Variants in ABR observed in about 807,000 individuals in gnomAD.
The protein encoded by ABR is ABR activator of RhoGEF and GTPase.
A neutral mutation model predicts 107.2 loss-of-function variants in ABR; 35 were observed. The ratio of observed to expected loss-of-function variants is 0.33; its 90% CI spans 0.25 to 0.43. The LOEUF is 0.43. Among genes scored for constraint, ABR ranks in the 20% least tolerant of loss-of-function variants. The pLI is 1.00. For missense variants in ABR, 815 were observed against 1,115.2 expected, an observed-to-expected ratio of 0.73 and a Z score of 3.83; for synonymous variants, 498 against 462.0, an observed-to-expected ratio of 1.08 and a Z score of -1.00.
chr17:1,172,332 T>C, intron 1 of ABR, among the ~76,000 whole-genome samples: 1 of 152,194 alleles, frequency 6.6e-6, no homozygotes, highest in East Asian at 1.9e-4. Flanking sequence ...CTGATTTCTT[T>C]CTCCTTCCCC....
chr17:1,172,348 C>T (rs887006180), intron 1 of ABR, among the ~76,000 whole-genome samples: 7 of 152,354 alleles, frequency 4.6e-5, no homozygotes, highest in African/African-American at 1.7e-4. Flanking sequence ...TCCCCCTTCA[C>T]AAGGTCTCTG....
intron 16 of ABR, among the ~76,000 whole-genome samples, chr17:1,026,438 G>A (rs956309610): frequency 6.6e-6 from 1 of 152,206 alleles, no homozygotes; most frequent in African/African-American, 2.4e-5. Context: ...GCCCCGGCTG[G>A]GGTCACGGTC....
upstream of ABR, among the ~76,000 whole-genome samples, chr17:1,180,145 G>A (rs998429586): frequency 1.3e-5 from 2 of 151,794 alleles, no homozygotes; most frequent in African/African-American, 4.8e-5. Context: ...GCGGGGCTCC[G>A]GCGCTGGGCG....
At position 1,010,299 on chromosome 17, in the gene ABR, C is replaced by T; in HGVS notation, c.2236+430G>A. ...GAGGCGGAAGGCCTGCTGGCCGGGGCCCTCCGCAGAGGTGACGGGACGGTG... is the reference window on the plus strand; with the variant it reads ...GAGGCGGAAGGCCTGCTGGCCGGGGTCCTCCGCAGAGGTGACGGGACGGTG... On this transcript the variant is annotated intron_variant, in intron 20 of 22. Transcript: ENST00000302538. The surrounding 1 kb of genome is among the most constrained non-coding windows in gnomAD (Gnocchi z 4.1). 1 of 226,340 alleles carries T rather than the reference C, an allele frequency of 4.4e-6. No individual in the cohort carries two copies. 14.0% of individuals were successfully genotyped at this position (226,340 alleles called of 1,614,324 possible).
intron 16 of ABR, among the ~76,000 whole-genome samples, chr17:1,019,794 C>A (rs1369137757): frequency 1.3e-5 from 2 of 152,262 alleles, no homozygotes. Context: ...GGATGGGACA[C>A]CTGACTGCTC....
chr17:1,039,349 G>A (rs886700361), intron 16 of ABR, among the ~76,000 whole-genome samples: 14 of 152,204 alleles, frequency 9.2e-5, no homozygotes, highest in Admixed American at 6.5e-5. Context: ...CAGAGTCCAG[G>A]CTCCCAAAAT....
chr17:1,208,355 T>C (rs1374083232), intron 1 of ABR, among the ~76,000 whole-genome samples: 2 of 152,188 alleles, frequency 1.3e-5, no homozygotes, highest in African/African-American at 2.4e-5. Flanking sequence ...CTTGGCCAGC[T>C]GAGGAATTGA....
chr17:1,084,062 C>A lies in ABR; in HGVS notation c.532-435G>T, dbSNP rs2151261331. ...AGCTGGCACGTGTGGCCTGCTCAGGCCTCCCTCCCCACGTGCAGCGTGGGG... is the reference window on the plus strand; with the variant it reads ...AGCTGGCACGTGTGGCCTGCTCAGGACTCCCTCCCCACGTGCAGCGTGGGG... On this transcript the variant is annotated intron_variant, in intron 4 of 22. Transcript: ENST00000302538. The surrounding 1 kb of genome is among the most constrained non-coding windows in gnomAD (Gnocchi z 4.2). 6.6e-6 allele frequency among the ~76,000 whole-genome samples: 1 copy of A among 152,270 alleles called. No individual in the cohort carries two copies. Among genetic ancestry groups the A allele is most frequent in the South Asian group, 2.1e-4 (1 of 4,820 alleles).
chr17:1,193,384 C>A (rs1368104847), intron 1 of ABR, among the ~76,000 whole-genome samples: 1 of 152,130 alleles, frequency 6.6e-6, no homozygotes, highest in Non-Finnish European at 1.5e-5. Flanking sequence ...TTCTAGGCAC[C>A]CTGTTAAGCA....
Position 1,091,695 on chromosome 17 carries a change from C to G in ABR, c.501G>C (p.Gln167His), listed in dbSNP as rs1201795825. 1 of 1,614,050 alleles carries G rather than the reference C, an allele frequency of 6.2e-7. No individual in the cohort carries two copies. Among genetic ancestry groups the G allele is most frequent in the Non-Finnish European group, 8.5e-7 (1 of 1,179,946 alleles). The change falls in exon 4 of 23, where the codon CAG becomes CAC. Residue 167 changes from glutamine to histidine, a missense_variant. This residue lies in a region of ABR where 385 missense variants were observed against 596.9 expected (regional missense o/e 0.64). Transcript: ENST00000302538. Reference protein sequence around the residue: ...LCPKVQQWDSQVTMGHLFQKL... With the variant: ...LCPKVQQWDSHVTMGHLFQKL... ...TCTGGAAGAGGTGGCCCATGGTGACCTGGCTGTCCCACTGTTGCACCTTGG... is the reference window on the plus strand; with the variant it reads ...TCTGGAAGAGGTGGCCCATGGTGACGTGGCTGTCCCACTGTTGCACCTTGG...
intron 1 of ABR, among the ~76,000 whole-genome samples, chr17:1,127,787 G>T (rs376433327): frequency 5.6e-4 from 85 of 151,548 alleles, no homozygotes; most frequent in African/African-American, 2.0e-3. Flanking sequence ...AAGATCAACG[G>T]GGGGGAAGGG....
Position 1,031,761 on chromosome 17 carries a change from G to A in ABR, c.1791+18289C>T, listed in dbSNP as rs1277717042. On this transcript the variant is annotated intron_variant, in intron 16 of 22. Coordinates refer to ENST00000302538, the MANE Select transcript of ABR (RefSeq NM_021962.5). Reference sequence around the variant, plus strand: ...GGTCATGCCGGGGGGGACGGGACGCGGCGCTGGAGAGAAGGCGCCTGTGGA... The same window carrying A: ...GGTCATGCCGGGGGGGACGGGACGCAGCGCTGGAGAGAAGGCGCCTGTGGA... 15 of 1,233,090 alleles carry A rather than the reference G, an allele frequency of 1.2e-5. No homozygotes were observed. In the East Asian group the frequency reaches 3.2e-4, roughly 26 times the overall value. 76.4% of individuals were successfully genotyped at this position (1,233,090 alleles called of 1,614,324 possible).
At chr17:1,223,343 T>G in intron 1 of ABR, among the ~76,000 whole-genome samples, 1 of 99,756 alleles carries the variant, frequency 1.0e-5, no homozygotes, top group South Asian at 3.3e-4. Flanking sequence ...ACGAATACCC[T>G]CCATCGTCAC....
chr17:1,153,944 G>GAGAT, intron 1 of ABR: 2 of 164,806 alleles, frequency 1.2e-5, no homozygotes, highest in Non-Finnish European at 2.6e-5. Context: ...ACAGGCTCCC[G>GAGAT]CTCCAGCCTG....
rs180823662 is a variant in ABR, at chr17:1,005,354, G to A, written c.*726C>T. On this transcript the variant is annotated 3_prime_UTR_variant, in exon 23 of 23. Coordinates refer to ENST00000302538, the MANE Select transcript of ABR (RefSeq NM_021962.5). ...CAAACGGAAAATTCCAGAAATGGGC[G>A]CTCCAGCTCTGTGCTAAGCTGGGGA... The A allele has an allele frequency of 8.9e-5, 35 of 391,960 alleles. No individual in the cohort carries two copies. The highest frequency in any genetic ancestry group is 6.2e-4 in the Admixed American group (14 of 22,490). The allele number at this position is 391,960 out of a possible 1,614,324, so 24.3% of individuals were successfully genotyped here.
At chr17:1,063,046 T>C (rs28488180) in intron 10 of ABR, among the ~76,000 whole-genome samples, 926 of 16,312 alleles carry the variant, frequency 0.057, 57 homozygotes, top group East Asian at 0.12. Flanking sequence ...CTAGACGCTG[T>C]TGTTATGTGA....
intron 2 of ABR, 86 bp from the exon 3 acceptor site, chr17:1,100,821 C>G (rs76815113): frequency 0.12 from 152,221 of 1,280,640 alleles, 10,599 homozygotes; most frequent in Non-Finnish European, 0.14. Flanking sequence ...GCCCTTCCCC[C>G]CCGACCTTTA....
intron 1 of ABR, chr17:1,186,765 C>A (rs1252622100): frequency 6.6e-6 from 1 of 152,376 alleles, no homozygotes; most frequent in Non-Finnish European, 1.5e-5. Flanking sequence ...GAGGGCTCGA[C>A]AGCAGGGCCT....
Position 1,154,098 on chromosome 17 carries a change from C to G in ABR, c.61+25569G>C, listed in dbSNP as rs1478438873. 1 of 153,872 alleles carries G rather than the reference C, an allele frequency of 6.5e-6. No individual in the cohort carries two copies. The highest frequency in any genetic ancestry group is 2.4e-5 in the African/African-American group (1 of 41,444). The allele number at this position is 153,872 out of a possible 1,614,324, so 9.5% of individuals were successfully genotyped here. Reference sequence around the variant, plus strand: ...CAGCCCACAGAAATCTCAGCTTCCCCCAGTTCTGCTCCGAGGACTGGGTCT... The same window carrying G: ...CAGCCCACAGAAATCTCAGCTTCCCGCAGTTCTGCTCCGAGGACTGGGTCT... On this transcript the variant is annotated intron_variant, in intron 1 of 22. Coordinates refer to ENST00000302538, the MANE Select transcript of ABR (RefSeq NM_021962.5). This position sits in a 1 kb window ranked among gnomAD's most constrained non-coding sequence, Gnocchi z 4.0.
Sources: gnomAD v4.1 joint callset for allele counts (sites outside exome capture counted in the v4.1 genomes callset) on GRCh38, gnomAD v4.1.1 for gene constraint, gnomAD v4.1.1 regional missense constraint, Gnocchi (gnomAD v3.1) non-coding constraint, MANE v1.5 for transcripts, NCBI Gene and HGNC (gene_info 2026-07-23, HGNC 2026-07-21) for gene names.